MICAL3: variants seen among roughly 807,000 people sequenced by gnomAD.
MICAL3 encodes the protein [F-actin]-monooxygenase MICAL3.
In MICAL3, 62 loss-of-function variants were observed where a neutral mutation model predicts 207.4. The ratio of observed to expected loss-of-function variants is 0.30; its 90% confidence interval spans 0.24 to 0.37. The LOEUF (loss-of-function observed/expected upper bound fraction) is 0.37, where lower values mean the gene tolerates loss of function less well. MICAL3 is among the 10% of genes least tolerant of loss of function. The pLI, the probability that MICAL3 is intolerant of heterozygous loss-of-function variation, is 1.00. For missense variants in MICAL3, 2,368 were observed against 2,635.6 expected, an observed-to-expected ratio of 0.90 and a Z score of 2.22; for synonymous variants, 1,077 against 1,069.3, an observed-to-expected ratio of 1.01 and a Z score of -0.14.
intron 1 of MICAL3, among the ~76,000 whole-genome samples, chr22:17,950,710 C>T (rs1934305217): frequency 6.6e-6 from 1 of 152,190 alleles, no homozygotes; most frequent in African/African-American, 2.4e-5. Context: ...CAGGACAACT[C>T]CCTTTGAAGA....
intron 20 of MICAL3, among the ~76,000 whole-genome samples, chr22:17,838,129 C>A (rs1159118890): frequency 6.6e-6 from 1 of 152,204 alleles, no homozygotes; most frequent in Non-Finnish European, 1.5e-5. Flanking sequence ...AGCCAAGCAT[C>A]CCAGGTGATG....
intron 1 of MICAL3, among the ~76,000 whole-genome samples, chr22:17,921,589 A>G (rs1161085765): frequency 2.0e-5 from 3 of 152,122 alleles, no homozygotes; most frequent in Non-Finnish European, 4.4e-5. Flanking sequence ...TCAGGGTTCA[A>G]GTGATTCTCC....
intron 1 of MICAL3, among the ~76,000 whole-genome samples, chr22:17,963,506 G>A (rs1935010003): frequency 6.6e-6 from 1 of 152,038 alleles, no homozygotes; most frequent in Admixed American, 6.6e-5. Context: ...AACACGTGAT[G>A]GGCCTCCGTC....
Position 17,790,634 on chromosome 22 carries a change from G to T in MICAL3, c.*98C>A. ...ACGGGCATCTGAGCGTAAACTCCAAGGAGGTGCCAGGCCTCCTCAGATCGC... is the reference window on the plus strand; with the variant it reads ...ACGGGCATCTGAGCGTAAACTCCAATGAGGTGCCAGGCCTCCTCAGATCGC... On this transcript the variant is annotated 3_prime_UTR_variant, in exon 32 of 32. Transcript: ENST00000441493. 3 of 1,123,266 alleles carry T rather than the reference G, an allele frequency of 2.7e-6. No individual in the cohort carries two copies. The highest frequency in any genetic ancestry group is 3.8e-6 in the Non-Finnish European group (3 of 797,074). The allele number at this position is 1,123,266 out of a possible 1,614,324, so 69.6% of individuals were successfully genotyped here. A position where few individuals can be genotyped will look rare whatever the true frequency, so the allele number is the denominator to read the frequency against.
At chr22:17,827,584 C>G in intron 22 of MICAL3, 60 bp downstream of exon 22, 1 of 1,491,376 alleles carries the variant, frequency 6.7e-7, no homozygotes, top group South Asian at 1.3e-5. Flanking sequence ...CCTGTGGCGA[C>G]AGAGGCAGCA....
At chr22:17,942,458 C>T (rs76487138) in intron 1 of MICAL3, among the ~76,000 whole-genome samples, 5,344 of 152,292 alleles carry the variant, frequency 0.035, 116 homozygotes, top group South Asian at 0.063. Context: ...GTGGCTTTAA[C>T]AGCCAAGCTT....
intron 20 of MICAL3, among the ~76,000 whole-genome samples, chr22:17,835,327 C>T (rs1264046291): frequency 6.6e-6 from 1 of 152,252 alleles, no homozygotes; most frequent in Non-Finnish European, 1.5e-5. Flanking sequence ...ACCTCCCAGA[C>T]ACCTTGGCGC....
chr22:17,862,550 G>A (rs1443189723), intron 19 of MICAL3: 59 of 981,580 alleles, frequency 6.0e-5, no homozygotes, highest in East Asian at 4.5e-4. Flanking sequence ...ATGAGCCATC[G>A]TGCCTGGCCA....
At chr22:17,936,081 T>C (rs1460766183) in intron 1 of MICAL3, among the ~76,000 whole-genome samples, 1 of 152,216 alleles carries the variant, frequency 6.6e-6, no homozygotes, top group South Asian at 2.1e-4. Flanking sequence ...ACTGGGTATA[T>C]ACCCAAAAGA....
At position 17,818,277 on chromosome 22, in the gene MICAL3, G is replaced by T. The variant is rs1377790469; in HGVS notation, c.4384C>A (p.Pro1462Thr). Residue 1462 changes from proline (P) to threonine (T), a missense_variant, in exon 26 of 32, where the codon CCG (proline) becomes ACG (threonine). Physicochemically the swap from Pro to Thr is conservative, Grantham distance 38 (BLOSUM62 -1). Around this residue, in one of 4 missense-constraint regions of MICAL3, gnomAD observed 1,770 missense variants for 1,863.2 expected, o/e 0.95. Transcript: ENST00000441493. ...GCGGGCTCCTCGCCCGGGGGTGGCG[G>T]TGGGGGCGGGCTGGAGGGGGGCGTG... ...MLTPPSSPPP[P>T]PPPGEEPATL... The T allele has an allele frequency of 6.6e-7, 1 of 1,508,490 alleles. No homozygotes were observed. Among genetic ancestry groups the T allele is most frequent in the East Asian group, 2.5e-5 (1 of 40,656 alleles). The allele number at this position is 1,508,490 out of a possible 1,614,324, so 93.4% of individuals were successfully genotyped here. A position where few individuals can be genotyped will look rare whatever the true frequency, so the allele number is the denominator to read the frequency against.
intron 16 of MICAL3, chr22:17,881,143 G>T: frequency 7.4e-7 from 1 of 1,342,418 alleles, no homozygotes; most frequent in Non-Finnish European, 1.1e-6. Flanking sequence ...CTCTACACTA[G>T]CCACCTACAC....
At chr22:17,797,732 C>T (rs368639914) in intron 29 of MICAL3, among the ~76,000 whole-genome samples, 31 of 152,322 alleles carry the variant, frequency 2.0e-4, no homozygotes, top group African/African-American at 6.5e-4. Context: ...AAGGATGATG[C>T]GGGAGACTAC....
chr22:17,804,214 T>TCTAA (rs769430948), intron 29 of MICAL3, among the ~76,000 whole-genome samples: 1 of 152,138 alleles, frequency 6.6e-6, no homozygotes, highest in Non-Finnish European at 1.5e-5. Context: ...CTGAACCTTC[T>TCTAA]CTAACTAAGA....
intron 1 of MICAL3, among the ~76,000 whole-genome samples, chr22:17,996,134 T>TAA (rs35369164): frequency 0.011 from 984 of 93,564 alleles, 8 homozygotes; most frequent in African/African-American, 0.023. Context: ...TGTCTCAATT[T>TAA]AAAAAAAAAA....
At chr22:17,993,202 C>T (rs577059770) in intron 1 of MICAL3, among the ~76,000 whole-genome samples, 2 of 152,110 alleles carry the variant, frequency 1.3e-5, no homozygotes, top group South Asian at 4.2e-4. Context: ...AGGTTCTGTT[C>T]CATAAGTTCA....
chr22:17,947,446 CACT>C (rs1269561022), intron 1 of MICAL3, among the ~76,000 whole-genome samples: 2 of 152,220 alleles, frequency 1.3e-5, no homozygotes, highest in African/African-American at 2.4e-5. Flanking sequence ...CTGTGCGCAC[CACT>C]GAGATAGAAT....
chr22:17,942,558 G>A (rs1933859588), intron 1 of MICAL3, among the ~76,000 whole-genome samples: 2 of 152,206 alleles, frequency 1.3e-5, no homozygotes, highest in South Asian at 2.1e-4. Context: ...GCTTTCAGAC[G>A]CTCAGAGACC....
At chr22:18,024,021 G>A (rs1924648008) in intron 1 of MICAL3, among the ~76,000 whole-genome samples, 1 of 152,212 alleles carries the variant, frequency 6.6e-6, no homozygotes, top group African/African-American at 2.4e-5. Flanking sequence ...AGGCTCTGGG[G>A]AGTGTGTGGT....
rs1312078583 is a variant in MICAL3 at position 17,793,304 on chromosome 22, G to T, written c.5651-2003C>A. 1.3e-5 allele frequency among the ~76,000 whole-genome samples: 2 copies of T among 152,242 alleles called. No homozygotes were observed. The highest frequency in any genetic ancestry group is 2.9e-5 in the Non-Finnish European group (2 of 68,042). On this transcript the variant is annotated intron_variant, in intron 29 of 31. Coordinates refer to ENST00000441493, the MANE Select transcript of MICAL3 (RefSeq NM_015241.3). The surrounding 1 kb of genome is among the most constrained non-coding windows in gnomAD (Gnocchi z 4.1). ...GAGGTAGAGAGGTTTGCTTTCAGTGGTTGTTTGGAAAGGGGCCCGAGGGCA... is the reference window on the plus strand; with the variant it reads ...GAGGTAGAGAGGTTTGCTTTCAGTGTTTGTTTGGAAAGGGGCCCGAGGGCA...
Sources: allele counts gnomAD v4.1 joint callset (sites outside exome capture counted in the v4.1 genomes callset), GRCh38; gene constraint gnomAD v4.1.1; regional missense constraint gnomAD v4.1.1; non-coding constraint Gnocchi (gnomAD v3.1); transcripts MANE v1.5; gene names NCBI Gene and HGNC (gene_info 2026-07-23, HGNC 2026-07-21).